Variants in ADGRB3 observed in about 807,000 individuals in gnomAD.
ADGRB3 encodes adhesion G protein-coupled receptor B3.
A neutral mutation model predicts 193.4 loss-of-function variants in ADGRB3; 37 were observed. The ratio of observed to expected loss-of-function variants is 0.19; its 90% CI spans 0.15 to 0.25. The LOEUF (loss-of-function observed/expected upper bound fraction) is 0.25. ADGRB3 is among the 10% of genes least tolerant of loss of function. ADGRB3 has a pLI of 1.00. For synonymous variants in ADGRB3, 690 were observed against 644.2 expected, an observed-to-expected ratio of 1.07 and a Z score of -1.08; for missense variants, 1,637 against 1,852.9, an observed-to-expected ratio of 0.88 and a Z score of 2.14.
chr6:68,894,923 A>G (rs1160244719), intron 3 of ADGRB3, among the ~76,000 whole-genome samples: 2 of 151,970 alleles, frequency 1.3e-5, no homozygotes, highest in East Asian at 3.8e-4. Context: ...CATTATCAGT[A>G]GGTAATCCCT....
chr6:69,066,629 C>T (rs2150309430), intron 16 of ADGRB3, among the ~76,000 whole-genome samples: 1 of 152,200 alleles, frequency 6.6e-6, no homozygotes, highest in South Asian at 2.1e-4. Context: ...ATTAGTAAGA[C>T]ACTATTCTTA....
chr6:68,873,568 T>C (rs1228445246), intron 3 of ADGRB3, among the ~76,000 whole-genome samples: 1 of 152,152 alleles, frequency 6.6e-6, no homozygotes, highest in African/African-American at 2.4e-5. Context: ...GAGTAAAGAT[T>C]CTGCTTATCC....
intron 17 of ADGRB3, among the ~76,000 whole-genome samples, chr6:69,227,921 G>A (rs1161083484): frequency 6.6e-6 from 1 of 152,166 alleles, no homozygotes; most frequent in Non-Finnish European, 1.5e-5. Context: ...AATCTGTCTA[G>A]ATCAAACTCA....
At chr6:69,230,782 T>C (rs1408552543) in intron 17 of ADGRB3, among the ~76,000 whole-genome samples, 1 of 152,230 alleles carries the variant, frequency 6.6e-6, no homozygotes, top group African/African-American at 2.4e-5. Flanking sequence ...AGGTTTTCTC[T>C]CCTACTTACC....
At chr6:69,243,561 A>T (rs1766428362) in intron 20 of ADGRB3, among the ~76,000 whole-genome samples, 1 of 152,066 alleles carries the variant, frequency 6.6e-6, no homozygotes, top group Non-Finnish European at 1.5e-5. Context: ...ATTTAAGAGT[A>T]AGAAGTGTTT....
At chr6:68,947,130 A>G (rs2150252630) in intron 6 of ADGRB3, among the ~76,000 whole-genome samples, 1 of 152,258 alleles carries the variant, frequency 6.6e-6, no homozygotes, top group East Asian at 1.9e-4. Context: ...GGCAAGAGGC[A>G]TAGAGCAACA....
rs529089749 is a variant in ADGRB3, at chr6:68,719,696, C to CT, written c.757+80273dup. The stretch of plus-strand genomic sequence containing the variant: ...GATACAATTTCTCTTCTCCTATTTT[C>CT]TTTTTTTTTCTTTTGAATCTATAGG... On this transcript the variant is annotated intron_variant, in intron 3 of 31. Transcript: ENST00000370598. Among the ~76,000 whole-genome samples, 1,037 of 150,680 alleles carry CT rather than the reference C, an allele frequency of 6.9e-3. 19 individuals carry two copies. The highest frequency in any genetic ancestry group is 0.024 in the African/African-American group (993 of 41,164).
chr6:68,759,546 G>A (rs1393942210), intron 3 of ADGRB3, among the ~76,000 whole-genome samples: 2 of 151,978 alleles, frequency 1.3e-5, no homozygotes, highest in South Asian at 2.1e-4. Flanking sequence ...GTAACTTTAA[G>A]CCATTGCATT....
chr6:69,011,143 G>A (rs931978832), intron 11 of ADGRB3, among the ~76,000 whole-genome samples: 1 of 143,910 alleles, frequency 6.9e-6, no homozygotes, highest in African/African-American at 2.6e-5. Context: ...ATATGTGTGT[G>A]TGTGTGTGTG....
intron 5 of ADGRB3, among the ~76,000 whole-genome samples, chr6:68,938,440 G>GTATATATATATA (rs59120080): frequency 2.3e-4 from 33 of 144,720 alleles, no homozygotes; most frequent in East Asian, 1.6e-3. Context: ...ATATTTTGAG[G>GTATATATATATA]TATATATATA....
intron 3 of ADGRB3, among the ~76,000 whole-genome samples, chr6:68,884,413 G>A (rs1765842831): frequency 6.6e-6 from 1 of 152,148 alleles, no homozygotes; most frequent in African/African-American, 2.4e-5. Flanking sequence ...ACCTAAATTG[G>A]ATTGAGAGTG....
At chr6:69,331,033 G>A (rs978060720) in intron 23 of ADGRB3, among the ~76,000 whole-genome samples, 2 of 152,066 alleles carry the variant, frequency 1.3e-5, no homozygotes, top group African/African-American at 4.8e-5. Context: ...TCATATGTTT[G>A]TTTGTTGCAG....
At chr6:69,104,081 A>T (rs1773141976) in intron 17 of ADGRB3, among the ~76,000 whole-genome samples, 1 of 151,760 alleles carries the variant, frequency 6.6e-6, no homozygotes. Context: ...ACATGTGCAC[A>T]TTGTGCAGGT....
chr6:69,019,527 A>T (rs1016412744), intron 13 of ADGRB3, among the ~76,000 whole-genome samples: 1 of 151,980 alleles, frequency 6.6e-6, no homozygotes, highest in African/African-American at 2.4e-5. Flanking sequence ...GACTGATTTT[A>T]TCCTAGGATA....
chr6:68,746,754 G>T (rs1766093414), intron 3 of ADGRB3, among the ~76,000 whole-genome samples: 1 of 151,532 alleles, frequency 6.6e-6, no homozygotes, highest in East Asian at 1.9e-4. Context: ...TAATTTTTTG[G>T]AGTCTCTAAT....
chr6:69,357,030 A>G (rs930637565), intron 28 of ADGRB3, among the ~76,000 whole-genome samples: 4 of 152,072 alleles, frequency 2.6e-5, no homozygotes, highest in Admixed American at 1.3e-4. Flanking sequence ...ATCTTAAAGC[A>G]ATTATCATTT....
intron 3 of ADGRB3, among the ~76,000 whole-genome samples, chr6:68,887,047 ACT>A (rs1765929104): frequency 6.7e-6 from 1 of 149,022 alleles, no homozygotes; most frequent in Middle Eastern, 3.4e-3. Flanking sequence ...ATATTTTATA[ACT>A]CTGTTGTAAA....
At chr6:69,163,744 A>T (rs778181144) in intron 17 of ADGRB3, among the ~76,000 whole-genome samples, 1 of 152,122 alleles carries the variant, frequency 6.6e-6, no homozygotes, top group Non-Finnish European at 1.5e-5. Flanking sequence ...CAGTAACTAC[A>T]TTAAAAGTAA....
At position 69,040,525 on chromosome 6, in the gene ADGRB3, T is replaced by C. The variant is rs1370367453; in HGVS notation, c.2108-7660T>C. Among the ~76,000 whole-genome samples the C allele has an allele frequency of 6.0e-5, 9 of 151,118 alleles. 1 individual carries two copies. Among genetic ancestry groups the C allele is most frequent in the Middle Eastern group, 6.8e-3 (2 of 294 alleles). On this transcript the variant is annotated intron_variant, in intron 13 of 31. Coordinates refer to ENST00000370598, the MANE Select transcript of ADGRB3 (RefSeq NM_001704.3). ...CTGGATTCACCCTGTATACCAACAT[T>C]ATTAAATGCTGAGAAAGTAGGAGTG... is the stretch of plus-strand genomic sequence containing the variant.
Sources: gnomAD v4.1 joint callset for allele counts (sites outside exome capture counted in the v4.1 genomes callset) on GRCh38, gnomAD v4.1.1 for gene constraint, MANE v1.5 for transcripts, NCBI Gene and HGNC (gene_info 2026-07-23, HGNC 2026-07-21) for gene names.